USP40: variants seen among roughly 807,000 people sequenced by gnomAD.
USP40 encodes ubiquitin specific peptidase 40, also known as ubiquitin carboxyl-terminal hydrolase 40.
In USP40, 143 loss-of-function variants were observed where a neutral mutation model predicts 166.2. That is an observed-to-expected ratio of 0.86 (90% CI 0.75 to 0.99). USP40 has a LOEUF of 0.99. USP40 is among the 50% of genes least tolerant of loss of function. The pLI is 0.00. For synonymous variants in USP40, 498 were observed against 524.0 expected (o/e 0.95, Z 0.68); for missense variants, 1,444 against 1,479.7 (o/e 0.98, Z 0.40).
intron 6 of USP40, 158 bp downstream of exon 6, chr2:233,554,222 C>T (rs2070842142): frequency 1.5e-5 from 12 of 818,882 alleles, no homozygotes; most frequent in Admixed American, 4.2e-5. Context: ...CTTAAAAATT[C>T]ATTATTGTAA....
At chr2:233,545,899 A>G (rs545723697) in intron 8 of USP40, 1 of 152,944 alleles carries the variant, frequency 6.5e-6, no homozygotes, top group African/African-American at 2.4e-5. Flanking sequence ...TCCACCAGAT[A>G]TATCTACTGC....
At chr2:233,517,618 A>T (rs1407764993) in intron 18 of USP40, among the ~76,000 whole-genome samples, 7 of 151,994 alleles carry the variant, frequency 4.6e-5, no homozygotes, top group African/African-American at 1.7e-4. Flanking sequence ...TGATCTCCTG[A>T]CCTTGTGGTC....
chr2:233,562,458 C>T (rs188889776), intron 3 of USP40, among the ~76,000 whole-genome samples: 82 of 150,722 alleles, frequency 5.4e-4, no homozygotes, highest in African/African-American at 1.6e-3. Context: ...AGTAAACTAT[C>T]GCAAGAACAA....
intron 11 of USP40, among the ~76,000 whole-genome samples, chr2:233,530,338 G>C (rs535021451): frequency 4.1e-4 from 62 of 151,908 alleles, no homozygotes; most frequent in Admixed American, 1.3e-3. Flanking sequence ...TGATTACATA[G>C]TAGTCCATTC....
At chr2:233,512,001 T>G (rs2066874799) in intron 19 of USP40, 2 of 461,328 alleles carry the variant, frequency 4.3e-6, no homozygotes, top group Admixed American at 3.9e-5. Context: ...CTTCCTGTTT[T>G]CTATGTAACA....
chr2:233,501,757 T>C (rs987149815), intron 21 of USP40, among the ~76,000 whole-genome samples: 3 of 152,060 alleles, frequency 2.0e-5, no homozygotes, highest in Non-Finnish European at 4.4e-5. Flanking sequence ...AAGAGAAAAA[T>C]ATGAGCGGGT....
chr2:233,499,209 T>A (rs1476250768), intron 22 of USP40, among the ~76,000 whole-genome samples: 2 of 142,280 alleles, frequency 1.4e-5, no homozygotes, highest in Non-Finnish European at 3.1e-5. Context: ...CCTCCCTGTG[T>A]CCATGTGTTC....
intron 5 of USP40, among the ~76,000 whole-genome samples, chr2:233,555,977 A>G (rs576991833): frequency 4.0e-5 from 6 of 151,778 alleles, no homozygotes; most frequent in South Asian, 4.2e-4. Context: ...TTAGCCAGGC[A>G]TGGTGGCGGG....
chr2:233,481,099 T>C (rs748825580), intron 31 of USP40, 104 bp downstream of exon 31: 37 of 1,117,658 alleles, frequency 3.3e-5, no homozygotes, highest in Non-Finnish European at 4.5e-5. Flanking sequence ...GTGTGCACTC[T>C]GAATCAACAA....
At position 233,551,341 on chromosome 2, in the gene USP40, G is replaced by A. The variant is rs775918570; in HGVS notation, c.837+35C>T. Reference sequence around the variant, plus strand: ...AATAATAGATTCAATCTTGAGAGGGGAAAAGAAAGAATTTAAAAATAAAAT... The same window carrying A: ...AATAATAGATTCAATCTTGAGAGGGAAAAAGAAAGAATTTAAAAATAAAAT... On this transcript the variant is annotated intron_variant, in intron 7 of 31. Transcript: ENST00000678225. The A allele has an allele frequency of 4.5e-6, 7 of 1,562,086 alleles. No homozygotes were observed. In the South Asian group the frequency reaches 8.6e-5, roughly 19 times the overall value.
Position 233,480,650 on chromosome 2 carries a change from A to G in USP40, c.3599+553T>C, listed in dbSNP as rs1234276494. ...GCTGGGAGGAGGGAGAGAGGCAAGG[A>G]GTCCTGAGCAGAGGTAGAAGATGGC... On this transcript the variant is annotated intron_variant, in intron 31 of 31. Coordinates refer to ENST00000678225, the MANE Select transcript of USP40 (RefSeq NM_001365479.2). This position sits in a 1 kb window ranked among gnomAD's most constrained non-coding sequence, Gnocchi z 4.5. Among the ~76,000 whole-genome samples the G allele has an allele frequency of 1.3e-5, 2 of 152,206 alleles. No homozygotes were observed. The highest frequency in any genetic ancestry group is 2.9e-5 in the Non-Finnish European group (2 of 68,034).
At chr2:233,547,044 CA>C (rs1417153407) in intron 8 of USP40, 1 of 152,040 alleles carries the variant, frequency 6.6e-6, no homozygotes, top group Non-Finnish European at 1.5e-5. Flanking sequence ...TTTCCCAAGC[CA>C]GAATGGGAGT....
chr2:233,490,304 A>C (rs911764641), intron 26 of USP40, among the ~76,000 whole-genome samples: 11 of 151,368 alleles, frequency 7.3e-5, no homozygotes, highest in African/African-American at 2.7e-4. Context: ...CTGGGATTAC[A>C]GGTGCCTGCC....
chr2:233,556,560 C>T (rs1195243951), intron 5 of USP40: 3 of 178,868 alleles, frequency 1.7e-5, no homozygotes, highest in Admixed American at 6.2e-5. Flanking sequence ...CATGATGACA[C>T]TGGCTTCTCA....
chr2:233,508,673 CATTT>C (rs1404635185), intron 21 of USP40, among the ~76,000 whole-genome samples: 2 of 152,000 alleles, frequency 1.3e-5, no homozygotes, highest in African/African-American at 4.8e-5. Context: ...AAAATGCCTT[CATTT>C]ATTAGTTGGA....
chr2:233,518,752 A>G (rs2067442683), intron 18 of USP40, among the ~76,000 whole-genome samples: 1 of 152,146 alleles, frequency 6.6e-6, no homozygotes, highest in South Asian at 2.1e-4. Context: ...AATCCGGTAC[A>G]TGTACCCAAG....
In USP40 at chr2:233,507,117, A is replaced by G. The variant is rs542215112; in HGVS notation, c.2613+2932T>C. 7.9e-5 allele frequency among the ~76,000 whole-genome samples: 12 copies of G among 152,340 alleles called. No homozygotes were observed. The South Asian group carries it at 2.3e-3, about 29-fold the overall frequency. On this transcript the variant is annotated intron_variant, in intron 21 of 31. Transcript: ENST00000678225. Reference sequence around the variant, plus strand: ...AAAGGAAATGTAAATCAAAACCACAATGAAGTACCATCTCACTCCAGTTAG... The same window carrying G: ...AAAGGAAATGTAAATCAAAACCACAGTGAAGTACCATCTCACTCCAGTTAG...
Position 233,523,263 on chromosome 2 carries a change from G to A in USP40, c.2108C>T (p.Ala703Val). The A allele has an allele frequency of 6.2e-7, 1 of 1,613,934 alleles. No individual in the cohort carries two copies. Among genetic ancestry groups the A allele is most frequent in the Non-Finnish European group, 8.5e-7 (1 of 1,179,872 alleles). ...CTTCCTCATGTCTTCCTTGGGGATG[G>A]CCGTCCAACCCTCCCCACCTGGACA... ...AGCPGGEGWTAIPKEDMRKTF... is the reference protein window; with the variant it reads ...AGCPGGEGWTVIPKEDMRKTF... Residue 703 changes from alanine to valine, a missense_variant, in exon 16 of 32, where the codon GCC (alanine) becomes GTC (valine). Transcript: ENST00000678225.
intron 8 of USP40, among the ~76,000 whole-genome samples, chr2:233,545,025 T>C (rs1447446373): frequency 2.0e-5 from 3 of 152,072 alleles, no homozygotes; most frequent in Non-Finnish European, 4.4e-5. Flanking sequence ...TTTAACTCAG[T>C]CCTCAAATTA....
Sources: allele counts gnomAD v4.1 joint callset (sites outside exome capture counted in the v4.1 genomes callset), GRCh38; gene constraint gnomAD v4.1.1; non-coding constraint Gnocchi (gnomAD v3.1); transcripts MANE v1.5; gene names NCBI Gene and HGNC (gene_info 2026-07-23, HGNC 2026-07-21).